CD8A: variants seen among roughly 807,000 people sequenced by gnomAD.
The protein encoded by CD8A is CD8 subunit alpha.
A neutral mutation model predicts 24.2 loss-of-function variants in CD8A; 25 were observed. The ratio of observed to expected loss-of-function variants is 1.03; its 90% CI spans 0.75 to 1.44. The LOEUF is 1.44. Ranked by LOEUF, CD8A falls within the 40% of genes most tolerant of loss-of-function variation. CD8A has a pLI of 0.00. For missense variants in CD8A, 360 were observed against 319.7 expected (o/e 1.13, Z -0.96); for synonymous variants, 165 against 149.9 (o/e 1.10, Z -0.74).
intron 2 of CD8A, among the ~76,000 whole-genome samples, chr2:86,802,329 T>C (rs1673700464): frequency 6.6e-6 from 1 of 151,970 alleles, no homozygotes; most frequent in African/African-American, 2.4e-5. Context: ...TGAGCCACCA[T>C]GCCTGGCCAA....
At chr2:86,789,844 C>A (rs1417646957) in intron 2 of CD8A, 94 bp from the exon 3 acceptor site, 2 of 711,798 alleles carry the variant, frequency 2.8e-6, no homozygotes, top group South Asian at 7.2e-5. Flanking sequence ...GGGGACGCCT[C>A]CCCCCGGTTT....
chr2:86,792,489 C>T (rs975148023), upstream of CD8A, among the ~76,000 whole-genome samples: 6 of 151,708 alleles, frequency 4.0e-5, no homozygotes, highest in East Asian at 3.9e-4. Context: ...GGTTCTTTGT[C>T]GTTGTTGCTA....
chr2:86,804,361 G>C (rs1673772305), intron 2 of CD8A, among the ~76,000 whole-genome samples: 3 of 152,154 alleles, frequency 2.0e-5, no homozygotes, highest in African/African-American at 7.2e-5. Context: ...ATGTATTTGA[G>C]GTATTTAAAG....
At chr2:86,795,192 A>ACCC (rs1673441771), upstream of CD8A, among the ~76,000 whole-genome samples, 3 of 152,338 alleles carry the variant, frequency 2.0e-5, no homozygotes, top group South Asian at 6.2e-4. Flanking sequence ...TGCCAAACAG[A>ACCC]GGGCTTGGCA....
chr2:86,795,764 C>CTT (rs1673461938), upstream of CD8A, among the ~76,000 whole-genome samples: 2 of 152,090 alleles, frequency 1.3e-5, no homozygotes, highest in African/African-American at 2.4e-5. Flanking sequence ...CCCACAGCCA[C>CTT]CCATGTAAGG....
upstream of CD8A, chr2:86,791,161 T>C: frequency 1.8e-6 from 1 of 568,382 alleles, no homozygotes. Context: ...CTTGTGAGAG[T>C]GACAGAGTGG....
At position 86,790,858 on chromosome 2, in the gene CD8A, G is replaced by A; in HGVS notation, c.-33C>T. 3 of 1,536,148 alleles carry A rather than the reference G, an allele frequency of 2.0e-6. No individual in the cohort carries two copies. The highest frequency in any genetic ancestry group is 1.7e-6 in the Non-Finnish European group (2 of 1,145,756). ...TCCCCAGGACGCTGCTTGGCTCGAA[G>A]CTCGGGCGCGAGGGGAGGCGCGCGG... On this transcript the variant is annotated 5_prime_UTR_variant, in exon 1 of 6. Transcript: ENST00000283635.
chr2:86,805,963 T>C (rs1162685624), intron 2 of CD8A, among the ~76,000 whole-genome samples: 2 of 152,178 alleles, frequency 1.3e-5, no homozygotes, highest in Non-Finnish European at 2.9e-5. Flanking sequence ...TTTTCTCTTG[T>C]TGTGACAATT....
intron 5 of CD8A, among the ~76,000 whole-genome samples, chr2:86,787,910 T>A (rs946129692): frequency 3.3e-5 from 5 of 151,252 alleles, no homozygotes; most frequent in Non-Finnish European, 7.4e-5. Flanking sequence ...TGTGTGTGTG[T>A]GTGTGTGTGT....
At chr2:86,805,230 G>C (rs1293510061) in intron 2 of CD8A, among the ~76,000 whole-genome samples, 2 of 152,026 alleles carry the variant, frequency 1.3e-5, no homozygotes. Context: ...ATGTACTTTT[G>C]GGCTGGGTTT....
upstream of CD8A, among the ~76,000 whole-genome samples, chr2:86,793,109 A>G (rs1673367007): frequency 6.6e-6 from 1 of 152,230 alleles, no homozygotes; most frequent in African/African-American, 2.4e-5. Flanking sequence ...ATGGGATTGT[A>G]TGAGATAAAT....
exon 1 of CD8A, chr2:86,808,262 G>C (rs1348257581): frequency 6.6e-6 from 1 of 152,408 alleles, no homozygotes; most frequent in Non-Finnish European, 1.5e-5. Context: ...ACGGGGTCCA[G>C]AGAGGGTGGG....
rs534063431 is a variant in CD8A at position 86,803,430 on chromosome 2, C to T, written c.-417-1773G>A. On this transcript the variant is annotated intron_variant, in intron 2 of 8. Transcript: ENST00000409511. ...TACGGATATATACAAGGGAATTCAGCCTTAAAAAAGGAGGAGATAGCATTT... is the reference window on the plus strand; with the variant it reads ...TACGGATATATACAAGGGAATTCAGTCTTAAAAAAGGAGGAGATAGCATTT... Among the ~76,000 whole-genome samples, 4 of 152,206 alleles carry T rather than the reference C, an allele frequency of 2.6e-5. No individual in the cohort carries two copies. In the East Asian group the frequency reaches 7.7e-4, roughly 29 times the overall value.
rs1266314558 is a variant in CD8A at position 86,789,427 on chromosome 2, G to A, written c.521C>T (p.Thr174Met). 1.2e-6 allele frequency: 2 copies of A among 1,612,400 alleles called. No homozygotes were observed. The highest frequency in any genetic ancestry group is 1.7e-6 in the Non-Finnish European group (2 of 1,178,476). Residue 174 changes from threonine to methionine, a missense_variant, in exon 4 of 6, where the codon ACG (threonine) becomes ATG (methionine). Coordinates refer to ENST00000283635, the MANE Select transcript of CD8A (RefSeq NM_001768.7). ...CRPAAGGAVH[T>M]RGLDFACDIY... ...ATCACAGGCGAAGTCCAGCCCCCTC[G>A]TGTGCACTGACGACACCAAAGACGC...
chr2:86,790,235 TA>T, intron 2 of CD8A, 92 bp downstream of exon 2: 1 of 935,270 alleles, frequency 1.1e-6, no homozygotes, highest in Non-Finnish European at 1.8e-6. Context: ...CCAGGTGCGC[TA>T]AGAGGCTTGA....
exon 1 of CD8A, chr2:86,808,119 C>T (rs903435793): frequency 5.2e-5 from 8 of 152,406 alleles, no homozygotes; most frequent in South Asian, 4.1e-4. Context: ...ATGAATTCAC[C>T]TTTCTGTACA....
At chr2:86,795,466 A>G (rs1012954526), upstream of CD8A, among the ~76,000 whole-genome samples, 13 of 152,202 alleles carry the variant, frequency 8.5e-5, no homozygotes, top group African/African-American at 3.1e-4. Flanking sequence ...AAACAAAAGA[A>G]GAGGAGGAAG....
At chr2:86,807,355 C>CA (rs905504301) in intron 2 of CD8A, 3 of 152,428 alleles carry the variant, frequency 2.0e-5, no homozygotes, top group African/African-American at 4.8e-5. Flanking sequence ...AAACAAACAA[C>CA]AAAAAAATTC....
chr2:86,806,295 G>A (rs1673854701), intron 2 of CD8A, among the ~76,000 whole-genome samples: 2 of 152,174 alleles, frequency 1.3e-5, no homozygotes, highest in Non-Finnish European at 2.9e-5. Context: ...CTCAGAGCAT[G>A]AGGGCTGGGC....
Sources: allele counts gnomAD v4.1 joint callset (sites outside exome capture counted in the v4.1 genomes callset), GRCh38; gene constraint gnomAD v4.1.1; transcripts MANE v1.5; gene names NCBI Gene and HGNC (gene_info 2026-07-23, HGNC 2026-07-21).